ANO2: variants seen among roughly 807,000 people sequenced by gnomAD.
The protein encoded by ANO2 is anoctamin-2.
In ANO2, 101 loss-of-function variants were observed where a neutral mutation model predicts 124.2. That is an observed-to-expected ratio of 0.81 (90% CI 0.69 to 0.96). The LOEUF is 0.96. Ranked by LOEUF, ANO2 falls within the 40% of genes least tolerant of loss-of-function variation. The probability of loss-of-function intolerance (pLI) is 0.00; values close to 1 mark genes in which losing one functional copy is unlikely to be tolerated. For missense variants in ANO2, 1,293 were observed against 1,274.5 expected (o/e 1.01, Z -0.22); for synonymous variants, 486 against 482.5 (o/e 1.01, Z -0.09).
intron 19 of ANO2, among the ~76,000 whole-genome samples, chr12:5,609,621 A>G (rs967097660): frequency 6.6e-6 from 1 of 152,134 alleles, no homozygotes; most frequent in Non-Finnish European, 1.5e-5. Flanking sequence ...ATAATTTTAC[A>G]TGGAATGGGG....
chr12:5,572,657 C>T (rs1942193869), intron 23 of ANO2, among the ~76,000 whole-genome samples: 2 of 152,128 alleles, frequency 1.3e-5, no homozygotes, highest in Admixed American at 1.3e-4. Context: ...AGTAGGGTCT[C>T]AAAAATATTT....
intron 12 of ANO2, among the ~76,000 whole-genome samples, chr12:5,742,765 A>G (rs1951140303): frequency 6.6e-6 from 1 of 152,112 alleles, no homozygotes; most frequent in Non-Finnish European, 1.5e-5. Context: ...TGGGTTCCAA[A>G]TCAGTTCAGG....
Position 5,739,847 on chromosome 12 carries a change from C to T in ANO2, c.1352-448G>A, listed in dbSNP as rs1446223905. 6.7e-6 allele frequency: 3 copies of T among 450,230 alleles called. No individual in the cohort carries two copies. In the East Asian group the frequency reaches 2.1e-4, roughly 31 times the overall value. 27.9% of individuals were successfully genotyped at this position (450,230 alleles called of 1,614,324 possible). ...TTCTTTCTGTCCCCAGCGCCACTTG[C>T]CTCATTTGGGCCCTAATCATCTCAT... On this transcript the variant is annotated intron_variant, in intron 12 of 24. Coordinates refer to ENST00000682330, the MANE Select transcript of ANO2 (RefSeq NM_001364791.2).
At chr12:5,841,893 A>G (rs747263040) in intron 4 of ANO2, among the ~76,000 whole-genome samples, 4 of 151,848 alleles carry the variant, frequency 2.6e-5, no homozygotes, top group Non-Finnish European at 4.4e-5. Context: ...TTTTTGAGAC[A>G]AGATCTCACT....
At chr12:5,675,257 A>G (rs998514487) in intron 14 of ANO2, among the ~76,000 whole-genome samples, 10 of 152,204 alleles carry the variant, frequency 6.6e-5, no homozygotes, top group African/African-American at 2.2e-4. Flanking sequence ...TAAAACCAGC[A>G]TCTTCCAAGA....
Position 5,563,518 on chromosome 12 carries a change from G to T in ANO2, c.2778C>A (p.Ile926=). 6.2e-7 allele frequency: 1 copy of T among 1,613,988 alleles called. No homozygotes were observed. The highest frequency in any genetic ancestry group is 8.5e-7 in the Non-Finnish European group (1 of 1,179,892). The change falls in exon 25 of 25, where the codon ATC becomes ATA. Residue 926 remains isoleucine (I), a synonymous_variant. Coordinates refer to ENST00000682330, the MANE Select transcript of ANO2 (RefSeq NM_001364791.2). ...TGATCTGGTCGCTGATGTCCGTGGG[G>T]ATGTCTGGAATCATCCAGTCCACGA... ...SVLVDWMIPD[I]PTDISDQIKK...
At chr12:5,733,163 G>A (rs763945150) in intron 13 of ANO2, 2 of 519,052 alleles carry the variant, frequency 3.9e-6, no homozygotes, top group Non-Finnish European at 7.0e-6. Context: ...AAAGTCAAGG[G>A]TGGCCATAGG....
intron 3 of ANO2, among the ~76,000 whole-genome samples, chr12:5,893,466 T>C (rs1329906722): frequency 6.6e-6 from 1 of 151,668 alleles, no homozygotes; most frequent in African/African-American, 2.4e-5. Context: ...TTATTTTGTA[T>C]GTAGTTTTTT....
At chr12:5,668,647 C>T (rs1947851647) in intron 14 of ANO2, among the ~76,000 whole-genome samples, 1 of 152,124 alleles carries the variant, frequency 6.6e-6, no homozygotes, top group Non-Finnish European at 1.5e-5. Context: ...ACGGTATTGC[C>T]TAGATTTTCT....
Position 5,904,894 on chromosome 12 carries a change from G to T in ANO2, c.534+16146C>A, listed in dbSNP as rs1178477772. Among the ~76,000 whole-genome samples the T allele has an allele frequency of 1.3e-5, 2 of 152,180 alleles. No individual in the cohort carries two copies. The highest frequency in any genetic ancestry group is 4.8e-5 in the African/African-American group (2 of 41,434). On this transcript the variant is annotated intron_variant, in intron 3 of 24. Transcript: ENST00000682330. The surrounding 1 kb of genome is among the most constrained non-coding windows in gnomAD (Gnocchi z 4.1). ...CCTAGGCTGACAGGAGGGAAGACAG[G>T]ATCAGCAGAACAAAGGGAACAGGGA...
chr12:5,584,846 G>A (rs1160150730), intron 20 of ANO2, among the ~76,000 whole-genome samples: 1 of 152,166 alleles, frequency 6.6e-6, no homozygotes, highest in Non-Finnish European at 1.5e-5. Flanking sequence ...AGAAACATAA[G>A]AGAGTTCTCA....
At chr12:5,584,484 G>A (rs570089585) in intron 20 of ANO2, among the ~76,000 whole-genome samples, 2 of 152,322 alleles carry the variant, frequency 1.3e-5, no homozygotes, top group Admixed American at 1.3e-4. Flanking sequence ...AGCAGTGCAA[G>A]GGAATCATGG....
At chr12:5,778,419 CATT>C (rs1565662214) in intron 10 of ANO2, among the ~76,000 whole-genome samples, 1 of 152,146 alleles carries the variant, frequency 6.6e-6, no homozygotes, top group Non-Finnish European at 1.5e-5. Context: ...GAAAGTGTCA[CATT>C]ATTTTACATC....
chr12:5,683,485 T>C (rs1243007249), intron 14 of ANO2, among the ~76,000 whole-genome samples: 2 of 151,902 alleles, frequency 1.3e-5, no homozygotes, highest in African/African-American at 4.8e-5. Flanking sequence ...AAACAACAGA[T>C]TTAAATAGGC....
intron 19 of ANO2, among the ~76,000 whole-genome samples, chr12:5,610,179 ATACT>A (rs1010203275): frequency 1.5e-3 from 113 of 73,104 alleles, no homozygotes; most frequent in African/African-American, 6.1e-3. Flanking sequence ...ACTTATATAA[ATACT>A]TATATAAATA....
At chr12:5,640,109 G>A (rs1946257854) in intron 15 of ANO2, among the ~76,000 whole-genome samples, 1 of 152,130 alleles carries the variant, frequency 6.6e-6, no homozygotes, top group African/African-American at 2.4e-5. Flanking sequence ...GTCCATGCTG[G>A]TTTCTAACAC....
At chr12:5,613,282 A>G (rs1308084318) in intron 17 of ANO2, among the ~76,000 whole-genome samples, 1 of 152,140 alleles carries the variant, frequency 6.6e-6, no homozygotes, top group Non-Finnish European at 1.5e-5. Flanking sequence ...CTCTAAGTGC[A>G]CTGTCGTCAC....
At chr12:5,688,591 G>A (rs1355908605) in intron 14 of ANO2, among the ~76,000 whole-genome samples, 3 of 152,160 alleles carry the variant, frequency 2.0e-5, no homozygotes, top group Non-Finnish European at 2.9e-5. Context: ...AATGAGCTGA[G>A]ACCCAAAAGG....
intron 14 of ANO2, among the ~76,000 whole-genome samples, chr12:5,652,546 A>G (rs1452135215): frequency 6.6e-6 from 1 of 151,740 alleles, no homozygotes; most frequent in African/African-American, 2.4e-5. Flanking sequence ...CCTTATATTT[A>G]GTTGTCATGT....
Sources: gnomAD v4.1 joint callset for allele counts (sites outside exome capture counted in the v4.1 genomes callset) on GRCh38, gnomAD v4.1.1 for gene constraint, Gnocchi (gnomAD v3.1) non-coding constraint, MANE v1.5 for transcripts, NCBI Gene and HGNC (gene_info 2026-07-23, HGNC 2026-07-21) for gene names.